Variants in TMEM50B observed in about 807,000 individuals in gnomAD.
The protein encoded by TMEM50B is transmembrane protein 50B, also known as HCV p7-trans-regulated protein 3.
Under a neutral mutation model 23.4 loss-of-function variants are expected in TMEM50B, and 14 were observed. The observed-to-expected ratio is 0.60, with a 90% CI of 0.39 to 0.93. The LOEUF (loss-of-function observed/expected upper bound fraction) is 0.93, where lower values mean the gene tolerates loss of function less well. Among genes scored for constraint, TMEM50B ranks in the 40% least tolerant of loss-of-function variants. TMEM50B has a pLI of 0.00. For synonymous variants in TMEM50B, 64 were observed against 62.3 expected (o/e 1.03, Z -0.13); for missense variants, 159 against 193.0 (o/e 0.82, Z 1.04).
chr21:33,438,053 G>T (rs2083974821), intron 8 of TMEM50B, among the ~76,000 whole-genome samples: 1 of 151,364 alleles, frequency 6.6e-6, no homozygotes, highest in Admixed American at 6.6e-5. Flanking sequence ...GGGAGGTCAA[G>T]ATGGGAGGAT....
At chr21:33,432,565 TA>T in exon 9 of TMEM50B, 1 of 942,690 alleles carries the variant, frequency 1.1e-6, no homozygotes, top group Non-Finnish European at 1.7e-6. Flanking sequence ...GCTATTAATG[TA>T]AGCATACCAG....
intron 8 of TMEM50B, chr21:33,432,956 G>T: frequency 9.0e-7 from 1 of 1,110,634 alleles, no homozygotes; most frequent in Non-Finnish European, 1.3e-6. Flanking sequence ...TACAATCTCT[G>T]CTCACTGCAG....
chr21:33,474,525 T>A (rs1224674094), intron 1 of TMEM50B, among the ~76,000 whole-genome samples: 1 of 151,314 alleles, frequency 6.6e-6, no homozygotes, highest in East Asian at 2.0e-4. Context: ...GGCTAACACT[T>A]GTAATCCCAG....
At chr21:33,477,565 G>T (rs759973736) in intron 1 of TMEM50B, among the ~76,000 whole-genome samples, 6 of 151,468 alleles carry the variant, frequency 4.0e-5, no homozygotes, top group Admixed American at 1.3e-4. Flanking sequence ...GGCTAGGTAC[G>T]GTGGCTCACG....
intron 4 of TMEM50B, 199 bp downstream of exon 4, chr21:33,465,143 A>AT: frequency 2.1e-6 from 1 of 479,826 alleles, no homozygotes; most frequent in East Asian, 3.3e-5. Context: ...GGGCAGTGTA[A>AT]CATGACAAAA....
chr21:33,447,293 T>A (rs75140140), downstream of TMEM50B, among the ~76,000 whole-genome samples: 2,041 of 151,900 alleles, frequency 0.013, 51 homozygotes, highest in African/African-American at 0.045. Flanking sequence ...TTGGGAAAGG[T>A]GCAACTAAAT....
chr21:33,436,717 C>T lies in TMEM50B; in HGVS notation c.*2120+2497G>A, dbSNP rs2083955941. ...AGCCTAGGCAAGAGTAAGACTCCAT[C>T]TCAAAAAAAAAATAAAAATAAAAAT... On this transcript the variant is annotated intron_variant and NMD_transcript_variant, in intron 8 of 8. Transcript: ENST00000420455. 5.7e-6 allele frequency: 5 copies of T among 879,488 alleles called. No homozygotes were observed. The Admixed American group carries it at 8.5e-5, about 15-fold the overall frequency. 54.5% of individuals were successfully genotyped at this position (879,488 alleles called of 1,614,324 possible). A position where few individuals can be genotyped will look rare whatever the true frequency, so the allele number is the denominator to read the frequency against.
At chr21:33,462,988 G>C (rs944778108) in intron 4 of TMEM50B, among the ~76,000 whole-genome samples, 1 of 152,184 alleles carries the variant, frequency 6.6e-6, no homozygotes, top group Non-Finnish European at 1.5e-5. Flanking sequence ...ATCTACATCA[G>C]CATTTAAAGC....
chr21:33,436,741 A>AC, intron 8 of TMEM50B: 2 of 1,104,678 alleles, frequency 1.8e-6, no homozygotes, highest in Admixed American at 2.3e-5. Context: ...AAAAATAAAA[A>AC]TAAAATAAAA....
intron 4 of TMEM50B, among the ~76,000 whole-genome samples, 173 bp from the exon 5 acceptor site, chr21:33,460,678 C>T (rs2245573): frequency 1.8e-3 from 267 of 150,374 alleles, no homozygotes; most frequent in South Asian, 2.9e-3. Context: ...AAAAAAAAAA[C>T]ACTAAAAGAA....
chr21:33,446,240 A>ATTTTTTTTTTTTTTTTTTT (rs972337197), downstream of TMEM50B, among the ~76,000 whole-genome samples: 1 of 86,684 alleles, frequency 1.2e-5, no homozygotes, highest in Non-Finnish European at 2.4e-5. Context: ...TTTATTTTTT[A>ATTTTTTTTTTTTTTTTTTT]TTTTTTATTT....
At chr21:33,432,563 T>G in exon 9 of TMEM50B, 1 of 933,724 alleles carries the variant, frequency 1.1e-6, no homozygotes. Context: ...TAGCTATTAA[T>G]GTAAGCATAC....
chr21:33,458,279 T>G (rs1471796210), intron 5 of TMEM50B, among the ~76,000 whole-genome samples: 1 of 152,134 alleles, frequency 6.6e-6, no homozygotes, highest in Non-Finnish European at 1.5e-5. Context: ...TTTGGGAGGC[T>G]GAGGTGGGTG....
downstream of TMEM50B, among the ~76,000 whole-genome samples, chr21:33,446,219 CTTTTA>C (rs2084051639): frequency 1.3e-5 from 2 of 149,250 alleles, no homozygotes; most frequent in South Asian, 2.1e-4. Flanking sequence ...TTACATTTTT[CTTTTA>C]TTTTTTTTAT....
chr21:33,455,940 T>C, intron 5 of TMEM50B, 156 bp from the exon 6 acceptor site: 2 of 707,552 alleles, frequency 2.8e-6, no homozygotes, highest in Non-Finnish European at 5.2e-6. Context: ...AAGAAGAAAA[T>C]GCCAATTTAA....
At chr21:33,478,901 T>C (rs1374928169) in intron 1 of TMEM50B, 1 of 449,060 alleles carries the variant, frequency 2.2e-6, no homozygotes, top group African/African-American at 2.1e-5. Context: ...ATGAAGAGTC[T>C]GAGAAGGGAG....
intron 7 of TMEM50B, among the ~76,000 whole-genome samples, chr21:33,440,594 T>C (rs117295018): frequency 0.022 from 3,164 of 142,612 alleles, 44 homozygotes; most frequent in Non-Finnish European, 0.032. Flanking sequence ...AAAATAATAA[T>C]AAAATAGGCC....
chr21:33,435,882 CAAAAAAAA>C (rs35251279), intron 8 of TMEM50B, among the ~76,000 whole-genome samples: 3 of 48,244 alleles, frequency 6.2e-5, no homozygotes, highest in African/African-American at 9.8e-5. Context: ...GACTCCGTCT[CAAAAAAAA>C]AAAAAAAAAA....
At chr21:33,473,826 T>C (rs1380801925) in intron 1 of TMEM50B, among the ~76,000 whole-genome samples, 1 of 152,064 alleles carries the variant, frequency 6.6e-6, no homozygotes, top group Non-Finnish European at 1.5e-5. Context: ...ACATAGCACA[T>C]CCATACAACG....
Sources: allele counts gnomAD v4.1 joint callset (sites outside exome capture counted in the v4.1 genomes callset), GRCh38; gene constraint gnomAD v4.1.1; transcripts MANE v1.5; gene names NCBI Gene and HGNC (gene_info 2026-07-23, HGNC 2026-07-21).